Variants in ZCWPW2 observed in about 807,000 individuals in gnomAD.
The protein encoded by ZCWPW2 is zinc finger CW-type and PWWP domain containing 2.
A neutral mutation model predicts 46.6 loss-of-function variants in ZCWPW2; 45 were observed. The observed-to-expected ratio is 0.96, with a 90% CI of 0.76 to 1.24. ZCWPW2 has a LOEUF of 1.24. Among genes scored for constraint, ZCWPW2 ranks in the 50% most tolerant of loss-of-function variants. ZCWPW2 has a pLI of 0.00. For missense variants in ZCWPW2, 429 were observed against 403.9 expected (o/e 1.06, Z -0.53); for synonymous variants, 152 against 137.1 (o/e 1.11, Z -0.76).
intron 5 of ZCWPW2, among the ~76,000 whole-genome samples, chr3:28,484,866 T>C (rs1699543405): frequency 6.6e-6 from 1 of 152,088 alleles, no homozygotes; most frequent in South Asian, 2.1e-4. Context: ...TAGCTTATGG[T>C]TGTATTGATT....
chr3:28,449,396 T>C (rs145399327), intron 4 of ZCWPW2, among the ~76,000 whole-genome samples: 114 of 152,324 alleles, frequency 7.5e-4, no homozygotes, highest in African/African-American at 2.5e-3. Flanking sequence ...ACCTTGAGGA[T>C]ATTATGATAA....
chr3:28,481,288 G>A (rs1327279633), intron 5 of ZCWPW2, among the ~76,000 whole-genome samples: 1 of 152,042 alleles, frequency 6.6e-6, no homozygotes, highest in Non-Finnish European at 1.5e-5. Context: ...CTGTTGCCCA[G>A]GCTGGAGTGC....
At chr3:28,377,911 A>C (rs1705554229) in intron 1 of ZCWPW2, among the ~76,000 whole-genome samples, 1 of 152,078 alleles carries the variant, frequency 6.6e-6, no homozygotes, top group Admixed American at 6.6e-5. Context: ...TCCCTTGAAA[A>C]TATTTAGCAC....
rs558205932 is a variant in ZCWPW2, at chr3:28,365,756, A to G, written c.-134+16553A>G. Among the ~76,000 whole-genome samples, 26 of 140,950 alleles carry G rather than the reference A, an allele frequency of 1.8e-4. 1 individual carries two copies. The East Asian group carries it at 4.3e-3, about 23-fold the overall frequency. 92.5% of individuals were successfully genotyped at this position (140,950 alleles called of 152,430 possible). A position where few individuals can be genotyped will look rare whatever the true frequency, so the allele number is the denominator to read the frequency against. ...CTTGGGCAGTATGGCCATTTTCACA[A>G]TATTGATTCTTCCTACCCATGAGCA... On this transcript the variant is annotated intron_variant, in intron 1 of 9. Transcript: ENST00000383768.
chr3:28,496,767 A>G lies in ZCWPW2; in HGVS notation c.657+4594A>G, dbSNP rs112986573. ...AGGTAATTACTAAGTGCCAGGCACT[A>G]CATACATGTTGTTTCATTTTATTCC... On this transcript the variant is annotated intron_variant, in intron 6 of 9. Transcript: ENST00000383768. 4.3e-3 allele frequency among the ~76,000 whole-genome samples: 653 copies of G among 151,986 alleles called. 5 individuals carry two copies. Among genetic ancestry groups the G allele is most frequent in the Middle Eastern group, 0.017 (5 of 294 alleles).
intron 8 of ZCWPW2, among the ~76,000 whole-genome samples, chr3:28,518,160 A>G (rs1182583830): frequency 6.9e-6 from 1 of 144,060 alleles, no homozygotes; most frequent in Non-Finnish European, 1.5e-5. Flanking sequence ...AAAAAAATCT[A>G]GATATGGACT....
At chr3:28,423,978 G>T (rs1367927089) in intron 3 of ZCWPW2, among the ~76,000 whole-genome samples, 3 of 152,024 alleles carry the variant, frequency 2.0e-5, no homozygotes, top group African/African-American at 7.2e-5. Context: ...GGTGGTGTGT[G>T]TCAGGTTTGG....
chr3:28,387,774 T>A (rs1695329322), intron 1 of ZCWPW2, among the ~76,000 whole-genome samples: 1 of 152,178 alleles, frequency 6.6e-6, no homozygotes, highest in South Asian at 2.1e-4. Context: ...CTTTCAGAAT[T>A]GACTTTTTTG....
intron 4 of ZCWPW2, among the ~76,000 whole-genome samples, chr3:28,473,451 G>A (rs1268590413): frequency 1.3e-5 from 2 of 151,898 alleles, no homozygotes; most frequent in Non-Finnish European, 2.9e-5. Flanking sequence ...CTCCAGCTTG[G>A]GTGACAGAGT....
intron 4 of ZCWPW2, among the ~76,000 whole-genome samples, chr3:28,456,712 G>T (rs1378809105): frequency 2.6e-5 from 4 of 152,130 alleles, no homozygotes; most frequent in African/African-American, 9.7e-5. Context: ...GGTCTTGTCT[G>T]CATCTATTCA....
intron 4 of ZCWPW2, among the ~76,000 whole-genome samples, chr3:28,448,493 T>C (rs942223797): frequency 6.8e-4 from 103 of 151,718 alleles, no homozygotes; most frequent in African/African-American, 2.4e-3. Context: ...ATAGTTAAGG[T>C]GTCAATACCG....
chr3:28,464,425 T>TA (rs1698748114), intron 4 of ZCWPW2, among the ~76,000 whole-genome samples: 1 of 151,452 alleles, frequency 6.6e-6, no homozygotes, highest in African/African-American at 2.4e-5. Flanking sequence ...AGCAACCAAC[T>TA]AAAAAAAAGA....
chr3:28,422,771 G>A (rs967905115), intron 3 of ZCWPW2, among the ~76,000 whole-genome samples: 92 of 152,140 alleles, frequency 6.0e-4, no homozygotes, highest in African/African-American at 2.1e-3. Flanking sequence ...ATGAGTATGT[G>A]TGTGTGTGTG....
At chr3:28,439,104 C>T (rs1192961173) in intron 4 of ZCWPW2, among the ~76,000 whole-genome samples, 4 of 145,106 alleles carry the variant, frequency 2.8e-5, no homozygotes, top group Non-Finnish European at 6.1e-5. Context: ...TATACACACA[C>T]ACACACCATA....
intron 2 of ZCWPW2, among the ~76,000 whole-genome samples, chr3:28,397,104 G>C (rs967848337): frequency 2.0e-5 from 3 of 151,486 alleles, no homozygotes; most frequent in African/African-American, 7.3e-5. Context: ...ACTCTGGCCT[G>C]GGTGACAAAA....
At chr3:28,368,115 T>A (rs1357049135) in intron 1 of ZCWPW2, among the ~76,000 whole-genome samples, 1 of 152,176 alleles carries the variant, frequency 6.6e-6, no homozygotes, top group Non-Finnish European at 1.5e-5. Flanking sequence ...CCAGTCTGTG[T>A]CTTTTAACTG....
chr3:28,520,096 C>T (rs1444064739), intron 8 of ZCWPW2, among the ~76,000 whole-genome samples: 1 of 151,408 alleles, frequency 6.6e-6, no homozygotes, highest in African/African-American at 2.4e-5. Context: ...GCTACGCCTC[C>T]CGGATTCACG....
intron 2 of ZCWPW2, among the ~76,000 whole-genome samples, chr3:28,399,023 AGGCAGG>A (rs1454739993): frequency 1.3e-5 from 2 of 152,144 alleles, no homozygotes; most frequent in African/African-American, 4.8e-5. Context: ...TGCAGCTAGG[AGGCAGG>A]TAGCCTGGGG....
At chr3:28,356,909 C>T (rs1040603159) in intron 1 of ZCWPW2, among the ~76,000 whole-genome samples, 6 of 151,748 alleles carry the variant, frequency 4.0e-5, no homozygotes, top group African/African-American at 7.3e-5. Flanking sequence ...ATATAAATGA[C>T]GAGTTAATGG....
Sources: allele counts gnomAD v4.1 joint callset (sites outside exome capture counted in the v4.1 genomes callset), GRCh38; gene constraint gnomAD v4.1.1; transcripts MANE v1.5; gene names NCBI Gene and HGNC (gene_info 2026-07-23, HGNC 2026-07-21).